DBX2: variants seen among roughly 807,000 people sequenced by gnomAD.
DBX2 encodes homeobox protein DBX2.
A neutral mutation model predicts 17.7 loss-of-function variants in DBX2; 16 were observed. The observed-to-expected ratio is 0.90, with a 90% confidence interval of 0.61 to 1.37. DBX2 has a LOEUF of 1.37. Ranked by LOEUF, DBX2 falls within the 40% of genes most tolerant of loss-of-function variation. The pLI is 0.00. For missense variants in DBX2, 538 were observed against 433.8 expected, an observed-to-expected ratio of 1.24 and a Z score of -2.13; for synonymous variants, 255 against 183.8, an observed-to-expected ratio of 1.39 and a Z score of -3.13.
At chr12:45,023,949 T>C in intron 2 of DBX2, 55 bp from the exon 3 acceptor site, 1 of 1,489,510 alleles carries the variant, frequency 6.7e-7, no homozygotes, top group Non-Finnish European at 8.9e-7. Context: ...AAGAAGTCAG[T>C]CTTTCCTAGG....
At chr12:45,029,246 G>A (rs1946396408) in intron 2 of DBX2, among the ~76,000 whole-genome samples, 1 of 152,186 alleles carries the variant, frequency 6.6e-6, no homozygotes, top group Non-Finnish European at 1.5e-5. Flanking sequence ...ACCAATTCAA[G>A]GTGCTACAGG....
intron 2 of DBX2, among the ~76,000 whole-genome samples, chr12:45,033,254 T>C (rs1210838218): frequency 6.6e-6 from 1 of 152,232 alleles, no homozygotes; most frequent in African/African-American, 2.4e-5. Context: ...GGTCTGATCC[T>C]ACTCTTTGGA....
chr12:45,044,299 G>A (rs1946487528), intron 1 of DBX2, among the ~76,000 whole-genome samples: 1 of 151,814 alleles, frequency 6.6e-6, no homozygotes. Flanking sequence ...CCAGCCCTAG[G>A]TTATCTATTA....
chr12:45,049,622 G>A (rs759884236), intron 1 of DBX2, among the ~76,000 whole-genome samples: 60 of 151,422 alleles, frequency 4.0e-4, no homozygotes, highest in Non-Finnish European at 6.6e-4. Flanking sequence ...CAAACCCATC[G>A]GGATTAAAAG....
intron 2 of DBX2, among the ~76,000 whole-genome samples, chr12:45,026,670 G>C (rs1238968370): frequency 6.6e-6 from 1 of 152,228 alleles, no homozygotes; most frequent in African/African-American, 2.4e-5. Flanking sequence ...TTGTCTAAAA[G>C]ATTACAAACA....
intron 2 of DBX2, among the ~76,000 whole-genome samples, chr12:45,028,187 A>G (rs1357759441): frequency 6.6e-6 from 1 of 152,210 alleles, no homozygotes; most frequent in African/African-American, 2.4e-5. Context: ...ATTGCAGGGT[A>G]TGACTGGAAA....
At chr12:45,038,819 C>T (rs533561882) in intron 1 of DBX2, among the ~76,000 whole-genome samples, 3 of 151,830 alleles carry the variant, frequency 2.0e-5, no homozygotes, top group African/African-American at 7.3e-5. Context: ...CCAGAAAAAC[C>T]ATTTTAATTG....
At chr12:45,023,005 T>C (rs1946361865) in intron 3 of DBX2, among the ~76,000 whole-genome samples, 1 of 152,224 alleles carries the variant, frequency 6.6e-6, no homozygotes, top group Non-Finnish European at 1.5e-5. Flanking sequence ...TTATAGTGTG[T>C]ATTTCACATG....
At position 45,023,906 on chromosome 12, in the gene DBX2, G is replaced by A. The variant is rs1329305840; in HGVS notation, c.500-12C>T. 8.5e-6 allele frequency: 13 copies of A among 1,531,994 alleles called. No individual in the cohort carries two copies. The highest frequency in any genetic ancestry group is 1.4e-5 in the African/African-American group (1 of 71,564). The allele number at this position is 1,531,994 out of a possible 1,614,324, so 94.9% of individuals were successfully genotyped here. The stretch of plus-strand genomic sequence containing the variant: ...CATGCTCTCTTCTCCTAGAGTCGAG[G>A]GAAAAAGATACAAAAGCCCAGTTAG... On this transcript the variant is annotated splice_polypyrimidine_tract_variant and intron_variant, in intron 2 of 3. Transcript: ENST00000332700.
intron 1 of DBX2, among the ~76,000 whole-genome samples, chr12:45,044,970 A>G (rs2137032418): frequency 6.6e-6 from 1 of 152,282 alleles, no homozygotes; most frequent in Admixed American, 6.5e-5. Context: ...AAAATAAAAC[A>G]TTTTGGAATA....
At chr12:45,027,994 G>C (rs1363324378) in intron 2 of DBX2, among the ~76,000 whole-genome samples, 1 of 152,230 alleles carries the variant, frequency 6.6e-6, no homozygotes, top group Non-Finnish European at 1.5e-5. Context: ...CGCTGAGTTA[G>C]GATGGTCAGC....
intron 1 of DBX2, among the ~76,000 whole-genome samples, chr12:45,040,799 T>C (rs1946467145): frequency 1.3e-5 from 2 of 152,296 alleles, no homozygotes; most frequent in South Asian, 4.1e-4. Context: ...TTAAATTGTT[T>C]TTGTCCTTTT....
In DBX2 at chr12:45,050,981, G is replaced by T; in HGVS notation, c.-54C>A. ...CCCGCCTTGCGCCCGCCTGTCGCCCGGGCGCCCCGCACCGCACCCAGAGCC... is the reference window on the plus strand; with the variant it reads ...CCCGCCTTGCGCCCGCCTGTCGCCCTGGCGCCCCGCACCGCACCCAGAGCC... On this transcript the variant is annotated 5_prime_UTR_variant, in exon 1 of 4. Coordinates refer to ENST00000332700, the MANE Select transcript of DBX2 (RefSeq NM_001004329.3). The T allele has an allele frequency of 2.2e-6, 3 of 1,350,752 alleles. No individual in the cohort carries two copies. The highest frequency in any genetic ancestry group is 2.8e-6 in the Non-Finnish European group (3 of 1,054,938). 83.7% of individuals were successfully genotyped at this position (1,350,752 alleles called of 1,614,324 possible). A position where few individuals can be genotyped will look rare whatever the true frequency, so the allele number is the denominator to read the frequency against.
At chr12:45,023,650 T>C in intron 3 of DBX2, 57 bp downstream of exon 3, 1 of 1,605,436 alleles carries the variant, frequency 6.2e-7, no homozygotes, top group East Asian at 2.2e-5. Context: ...ACACAACTGA[T>C]TTCATCTGAT....
At chr12:45,035,064 C>A (rs1205120473) in intron 2 of DBX2, among the ~76,000 whole-genome samples, 3 of 152,240 alleles carry the variant, frequency 2.0e-5, no homozygotes, top group African/African-American at 7.2e-5. Flanking sequence ...GCTCATTAAA[C>A]GGCCAGCATT....
intron 3 of DBX2, among the ~76,000 whole-genome samples, chr12:45,020,061 A>G (rs1946343677): frequency 6.6e-6 from 1 of 152,178 alleles, no homozygotes; most frequent in African/African-American, 2.4e-5. Context: ...TAATTCACAT[A>G]CCATACAATT....
Position 45,027,011 on chromosome 12 carries a change from T to C in DBX2, c.500-3117A>G, listed in dbSNP as rs186933502. 6.0e-3 allele frequency among the ~76,000 whole-genome samples: 918 copies of C among 152,316 alleles called. 12 individuals carry two copies. The highest frequency in any genetic ancestry group is 0.021 in the African/African-American group (862 of 41,564). Reference sequence around the variant, plus strand: ...GGGATTTAAGCAGTTTTATGAAATATTGGTCAATAATAAAAATATTCTGAA... The same window carrying C: ...GGGATTTAAGCAGTTTTATGAAATACTGGTCAATAATAAAAATATTCTGAA... On this transcript the variant is annotated intron_variant, in intron 2 of 3. Transcript: ENST00000332700.
intron 3 of DBX2, among the ~76,000 whole-genome samples, chr12:45,021,903 G>A (rs980461720): frequency 3.9e-5 from 5 of 129,066 alleles, no homozygotes; most frequent in South Asian, 2.9e-4. Flanking sequence ...GAGCTTCCAC[G>A]GGGTGTGGAA....
intron 1 of DBX2, among the ~76,000 whole-genome samples, chr12:45,040,817 C>T (rs150753684): frequency 6.6e-6 from 1 of 151,880 alleles, no homozygotes; most frequent in Non-Finnish European, 1.5e-5. Context: ...TTTTATTCTC[C>T]TTTAGTAATG....
Sources: allele counts gnomAD v4.1 joint callset (sites outside exome capture counted in the v4.1 genomes callset), GRCh38; gene constraint gnomAD v4.1.1; transcripts MANE v1.5; gene names NCBI Gene and HGNC (gene_info 2026-07-23, HGNC 2026-07-21).